The following DNAH14 variants were observed in gnomAD, a reference collection of about 807,000 sequenced individuals.
DNAH14 encodes axonemal beta dynein heavy chain 14.
In DNAH14, 478 loss-of-function variants were observed where a neutral mutation model predicts 520.9. The observed-to-expected ratio is 0.92, with a 90% CI of 0.85 to 0.99. DNAH14 has a LOEUF of 0.99. Among genes scored for constraint, DNAH14 ranks in the 50% least tolerant of loss-of-function variants. The probability of loss-of-function intolerance (pLI) is 0.00; values close to 1 mark genes in which losing one functional copy is unlikely to be tolerated. For synonymous variants in DNAH14, 1,581 were observed against 1,757.2 expected (o/e 0.90, Z 2.51); for missense variants, 4,831 against 5,234.5 (o/e 0.92, Z 2.38).
chr1:225,346,053 A>G lies in DNAH14; in HGVS notation c.10770A>G (p.Lys3590=). ...TTTCAAAGCGCATCGAAGCAACAAA[A>G]AAAGCTGAAAGTGAAATCCAAGCAA... ...NEISKRIEAT[K]KAESEIQAIR... is the part of the protein sequence containing the mutation. The change falls in exon 70 of 86, where the codon AAA becomes AAG. Residue 3590 remains lysine (K), a synonymous_variant. Coordinates refer to ENST00000682510, the MANE Select transcript of DNAH14 (RefSeq NM_001367479.1). The G allele has an allele frequency of 1.3e-6, 2 of 1,551,728 alleles. No homozygotes were observed. Among genetic ancestry groups the G allele is most frequent in the South Asian group, 1.2e-5 (1 of 84,056 alleles).
chr1:225,033,609 G>T (rs1486101792), intron 11 of DNAH14, among the ~76,000 whole-genome samples: 4 of 152,052 alleles, frequency 2.6e-5, no homozygotes, highest in African/African-American at 9.7e-5. Context: ...TTCTAGTTCT[G>T]TGAAGAATGT....
intron 54 of DNAH14, among the ~76,000 whole-genome samples, chr1:225,282,031 A>T (rs1007173575): frequency 2.0e-5 from 3 of 152,216 alleles, no homozygotes; most frequent in Admixed American, 6.5e-5. Context: ...GATTGTGATG[A>T]TCATTTAACA....
chr1:224,950,176 T>C (rs1385247738), intron 1 of DNAH14, among the ~76,000 whole-genome samples: 3 of 152,198 alleles, frequency 2.0e-5, no homozygotes, highest in East Asian at 1.9e-4. Flanking sequence ...AAAATTTTGT[T>C]CTGTGTTCAT....
At chr1:225,160,213 C>G (rs960538330) in intron 35 of DNAH14, among the ~76,000 whole-genome samples, 1 of 152,156 alleles carries the variant, frequency 6.6e-6, no homozygotes, top group Non-Finnish European at 1.5e-5. Flanking sequence ...CCTGTTCTTT[C>G]TACCTTGAGC....
At chr1:225,270,063 G>A (rs1163565756) in intron 49 of DNAH14, among the ~76,000 whole-genome samples, 1 of 152,068 alleles carries the variant, frequency 6.6e-6, no homozygotes, top group Non-Finnish European at 1.5e-5. Context: ...CAAAGACTTG[G>A]AACCAACCCA....
intron 66 of DNAH14, among the ~76,000 whole-genome samples, chr1:225,335,958 CATATACATATATGTACATATGTGT>C (rs1241199376): frequency 7.0e-6 from 1 of 143,632 alleles, no homozygotes; most frequent in African/African-American, 2.6e-5. Flanking sequence ...TATATATACA[CATATACATATATGTACATATGTGT>C]ATATACACAC....
chr1:225,289,957 C>T lies in DNAH14; in HGVS notation c.8344C>T (p.Arg2782Ter), dbSNP rs976988963. 1.7e-5 allele frequency: 26 copies of T among 1,537,544 alleles called. No individual in the cohort carries two copies. The Admixed American group carries it at 2.6e-4, about 16-fold the overall frequency. Reference sequence around the variant, plus strand: ...TTATTTGACAGATAATAAACTATACCGAGTGCCTATATCTCACAAATGTGC... The same window carrying T: ...TTATTTGACAGATAATAAACTATACTGAGTGCCTATATCTCACAAATGTGC... ...ACYLTDNKLY[R>*]VPISHKCAYI... is the part of the protein sequence containing the mutation. Residue 2782 changes from arginine to a stop codon, truncating the protein, a stop_gained, in exon 55 of 86, where the codon CGA (arginine) becomes TGA (stop). Coordinates refer to ENST00000682510, the MANE Select transcript of DNAH14 (RefSeq NM_001367479.1). LOFTEE classifies it high-confidence loss of function.
chr1:225,312,292 A>AT (rs1310850953), intron 60 of DNAH14, among the ~76,000 whole-genome samples: 1 of 152,064 alleles, frequency 6.6e-6, no homozygotes, highest in Non-Finnish European at 1.5e-5. Context: ...TTGCACATCG[A>AT]TTTTGTATCC....
intron 60 of DNAH14, among the ~76,000 whole-genome samples, chr1:225,312,485 A>G (rs2094388106): frequency 6.6e-6 from 1 of 152,136 alleles, no homozygotes; most frequent in Non-Finnish European, 1.5e-5. Flanking sequence ...TATTATATTG[A>G]ATAGGAGTGG....
intron 4 of DNAH14, among the ~76,000 whole-genome samples, chr1:224,963,539 T>G (rs752437064): frequency 6.6e-6 from 1 of 152,156 alleles, no homozygotes; most frequent in East Asian, 1.9e-4. Context: ...CTTTTTCACT[T>G]ATTAGATTGG....
chr1:225,395,409 C>T (rs1350910990), intron 84 of DNAH14, among the ~76,000 whole-genome samples: 2 of 152,032 alleles, frequency 1.3e-5, no homozygotes, highest in East Asian at 1.9e-4. Context: ...CTGGCTAACA[C>T]GGTGAAACCC....
At chr1:225,198,221 AT>A (rs35210664) in intron 38 of DNAH14, among the ~76,000 whole-genome samples, 41,973 of 144,466 alleles carry the variant, frequency 0.29, 6,382 homozygotes, top group East Asian at 0.55. Context: ...TTGTATGCCA[AT>A]TTTTTTTTTT....
intron 73 of DNAH14, 37 bp downstream of exon 73, chr1:225,353,925 T>A: frequency 8.6e-7 from 1 of 1,162,006 alleles, no homozygotes; most frequent in South Asian, 1.4e-5. Context: ...ATATTCTAAA[T>A]ATTTTGAGTG....
chr1:225,095,277 A>C (rs920730615), intron 21 of DNAH14, among the ~76,000 whole-genome samples: 2 of 150,324 alleles, frequency 1.3e-5, no homozygotes, highest in African/African-American at 5.0e-5. Context: ...GACTGGATAA[A>C]GAAAATGTGG....
At chr1:225,171,814 C>T (rs2082705231) in intron 36 of DNAH14, among the ~76,000 whole-genome samples, 1 of 151,496 alleles carries the variant, frequency 6.6e-6, no homozygotes, top group Admixed American at 6.6e-5. Context: ...AGACACACAA[C>T]AAAAAGAATT....
intron 41 of DNAH14, among the ~76,000 whole-genome samples, chr1:225,222,629 G>T (rs1159782850): frequency 6.6e-6 from 1 of 152,132 alleles, no homozygotes; most frequent in Non-Finnish European, 1.5e-5. Flanking sequence ...CCTCTAGCTA[G>T]CCACAGAGCA....
chr1:225,131,683 A>C (rs1303279294), intron 27 of DNAH14, among the ~76,000 whole-genome samples: 1 of 152,236 alleles, frequency 6.6e-6, no homozygotes, highest in African/African-American at 2.4e-5. Context: ...ATCTTTGTAG[A>C]GAGCCATTAT....
intron 37 of DNAH14, among the ~76,000 whole-genome samples, chr1:225,187,915 A>G (rs904191989): frequency 6.6e-6 from 1 of 151,708 alleles, no homozygotes; most frequent in Non-Finnish European, 1.5e-5. Flanking sequence ...CTTGATGTGA[A>G]GTGTAGGGGT....
In DNAH14 at chr1:225,336,048, TATATAC is replaced by T. The variant is rs1454809784; in HGVS notation, c.10081-1212_10081-1207del. Among the ~76,000 whole-genome samples, 28 of 142,640 alleles carry T rather than the reference TATATAC, an allele frequency of 2.0e-4. No homozygotes were observed. The East Asian group carries it at 4.4e-3, about 22-fold the overall frequency. The allele number at this position is 142,640 out of a possible 152,430, so 93.6% of individuals were successfully genotyped here. On this transcript the variant is annotated intron_variant, in intron 66 of 85. Coordinates refer to ENST00000682510, the MANE Select transcript of DNAH14 (RefSeq NM_001367479.1). ...ATATGTATATACACACATATATGCA[TATATAC>T]ATATATGTATACATACATACTTATA...
Sources: allele counts gnomAD v4.1 joint callset (sites outside exome capture counted in the v4.1 genomes callset), GRCh38; gene constraint gnomAD v4.1.1; transcripts MANE v1.5; gene names NCBI Gene and HGNC (gene_info 2026-07-23, HGNC 2026-07-21).